The following ZNF37A variants were observed in gnomAD, a reference collection of about 807,000 sequenced individuals.
ZNF37A encodes the protein zinc finger protein 37A.
A neutral mutation model predicts 12.3 loss-of-function variants in ZNF37A; 10 were observed. That is an observed-to-expected ratio of 0.82 (90% CI 0.50 to 1.38). The LOEUF (loss-of-function observed/expected upper bound fraction) is 1.38. Among genes scored for constraint, ZNF37A ranks in the 40% most tolerant of loss-of-function variants. The pLI, the probability that ZNF37A is intolerant of heterozygous loss-of-function variation, is 0.00. For synonymous variants in ZNF37A, 207 were observed against 223.0 expected, an observed-to-expected ratio of 0.93 and a Z score of 0.64; for missense variants, 580 against 651.2, an observed-to-expected ratio of 0.89 and a Z score of 1.19.
chr10:38,096,533 A>G (rs2067166615), intron 4 of ZNF37A, 41 bp from the exon 5 acceptor site: 1 of 1,466,898 alleles, frequency 6.8e-7, no homozygotes, highest in Non-Finnish European at 9.4e-7. Flanking sequence ...TGGACCTTTT[A>G]AGGCAAGTGA....
chr10:38,125,496 G>T (rs1198275775), downstream of ZNF37A: 2 of 152,240 alleles, frequency 1.3e-5, no homozygotes, highest in South Asian at 2.1e-4. Flanking sequence ...TGCCCCTACT[G>T]CATGGAGGGA....
At chr10:38,096,745 G>C in intron 5 of ZNF37A, 113 bp downstream of exon 5, 5 of 1,022,566 alleles carry the variant, frequency 4.9e-6, no homozygotes, top group Non-Finnish European at 7.2e-6. Context: ...TAGAGGAGAG[G>C]TCACATTACA....
chr10:38,107,963 G>C (rs1435268281), intron 5 of ZNF37A, among the ~76,000 whole-genome samples: 4 of 127,744 alleles, frequency 3.1e-5, no homozygotes, highest in Non-Finnish European at 1.7e-5. Context: ...AAATTAACAA[G>C]GATATTCAGA....
At position 38,117,278 on chromosome 10, in the gene ZNF37A, TA is replaced by T. The variant is rs1178246338; in HGVS notation, c.239-111del. The T allele has an allele frequency of 4.8e-6, 7 of 1,472,702 alleles. No homozygotes were observed. In the Admixed American group the frequency reaches 1.9e-4, roughly 41 times the overall value. The allele number at this position is 1,472,702 out of a possible 1,614,324, so 91.2% of individuals were successfully genotyped here. ...TGGAAGTGTGCACATTGTCATAACA[TA>T]GGTATGAGGAGATAATGGCCTAAAC... On this transcript the variant is annotated intron_variant, in intron 7 of 7. Coordinates refer to ENST00000685332, the MANE Select transcript of ZNF37A (RefSeq NM_001324250.3).
At position 38,118,798 on chromosome 10, in the gene ZNF37A, C is replaced by T. The variant is rs1399082528; in HGVS notation, c.1647C>T (p.Asn549=). The stretch of plus-strand genomic sequence containing the variant: ...ATCAGAGAATACACTTGGGGAGAAA[C>T]CCTATAAATGTAGTAAACGAGGGAA... ...TVHQRIHLGR[N]PINVVNEGNY... Residue 549 remains asparagine, a synonymous_variant, in exon 8 of 8, where the codon AAC becomes AAT. Transcript: ENST00000685332. 1 of 1,599,394 alleles carries T rather than the reference C, an allele frequency of 6.3e-7. No individual in the cohort carries two copies. Among genetic ancestry groups the T allele is most frequent in the African/African-American group, 1.3e-5 (1 of 74,284 alleles).
chr10:38,126,737 G>T (rs557354541), downstream of ZNF37A, among the ~76,000 whole-genome samples: 8 of 152,308 alleles, frequency 5.3e-5, no homozygotes, highest in Admixed American at 3.9e-4. Flanking sequence ...ACATGCAGCA[G>T]CCCTATCATC....
Position 38,117,863 on chromosome 10 carries a change from T to A in ZNF37A, c.712T>A (p.Ser238Thr). ...TCTCACTCCAATTCAGAGAACCCACTCAATTAACAATATTATTGAATATAA... is the reference window on the plus strand; with the variant it reads ...TCTCACTCCAATTCAGAGAACCCACACAATTAACAATATTATTGAATATAA... ...LNLTPIQRTH[S>T]INNIIEYNEC... The change falls in exon 8 of 8, where the codon TCA becomes ACA. Residue 238 changes from serine to threonine, a missense_variant. Ser to Thr is a moderately conservative substitution (Grantham distance 58, BLOSUM62 1). Coordinates refer to ENST00000685332, the MANE Select transcript of ZNF37A (RefSeq NM_001324250.3). 1 of 1,613,978 alleles carries A rather than the reference T, an allele frequency of 6.2e-7. No individual in the cohort carries two copies. Among genetic ancestry groups the A allele is most frequent in the Non-Finnish European group, 8.5e-7 (1 of 1,179,984 alleles).
chr10:38,129,279 C>T (rs1156650444), downstream of ZNF37A, among the ~76,000 whole-genome samples: 5 of 98,080 alleles, frequency 5.1e-5, no homozygotes, highest in African/African-American at 8.6e-5. Context: ...GAACTCCAGC[C>T]TGGGTGACAG....
chr10:38,095,364 A>C lies in ZNF37A; in HGVS notation c.-198+140A>C, dbSNP rs1455943023. 3 of 152,442 alleles carry C rather than the reference A, an allele frequency of 2.0e-5. No individual in the cohort carries two copies. The East Asian group carries it at 5.8e-4, about 30-fold the overall frequency. 9.4% of individuals were successfully genotyped at this position (152,442 alleles called of 1,614,324 possible). A position where few individuals can be genotyped will look rare whatever the true frequency, so the allele number is the denominator to read the frequency against. On this transcript the variant is annotated intron_variant, in intron 2 of 7. Coordinates refer to ENST00000685332, the MANE Select transcript of ZNF37A (RefSeq NM_001324250.3). ...CGATTTGTGTCCTTTCCAGACCCCC[A>C]CAGGCTGGGAGCTTTGTGCCCATTC...
intron 5 of ZNF37A, among the ~76,000 whole-genome samples, chr10:38,108,271 A>C (rs2068309897): frequency 6.6e-6 from 1 of 152,222 alleles, no homozygotes; most frequent in Non-Finnish European, 1.5e-5. Flanking sequence ...AATGAAATTA[A>C]GGCAGAAATA....
chr10:38,112,783 T>TCGG (rs1564932429), intron 5 of ZNF37A, among the ~76,000 whole-genome samples: 2,990 of 57,786 alleles, frequency 0.052, 375 homozygotes, highest in Middle Eastern at 0.088. Context: ...TTCTTTTCTT[T>TCGG]TCTTTTCTTT....
intron 5 of ZNF37A, among the ~76,000 whole-genome samples, chr10:38,114,264 C>A (rs1462480396): frequency 6.6e-6 from 1 of 152,138 alleles, no homozygotes; most frequent in Non-Finnish European, 1.5e-5. Context: ...AGGTTTTTAA[C>A]CTTTTGTTAA....
At chr10:38,125,405 A>AT (rs1252558475), downstream of ZNF37A, 1 of 152,164 alleles carries the variant, frequency 6.6e-6, no homozygotes, top group Non-Finnish European at 1.5e-5. Context: ...AATAATCCTG[A>AT]TTTGGGGGAG....
intron 5 of ZNF37A, among the ~76,000 whole-genome samples, chr10:38,109,692 C>A (rs12253640): frequency 2.0e-5 from 3 of 152,120 alleles, no homozygotes; most frequent in Non-Finnish European, 2.9e-5. Flanking sequence ...GTCCTATACA[C>A]CAATAATAGA....
chr10:38,138,309 C>G (rs1347495153), intron 7 of ZNF37A: 1 of 152,144 alleles, frequency 6.6e-6, no homozygotes, highest in East Asian at 1.9e-4. Context: ...CAAATTTTTG[C>G]AGAGTGTCAT....
rs943974338 is a variant in ZNF37A at position 38,121,361 on chromosome 10, T to TA, written c.*2531dup. 6 of 152,180 alleles carry TA rather than the reference T, an allele frequency of 3.9e-5. No individual in the cohort carries two copies. The highest frequency in any genetic ancestry group is 7.4e-5 in the Non-Finnish European group (5 of 68,026). The allele number at this position is 152,180 out of a possible 1,614,324, so 9.4% of individuals were successfully genotyped here. On this transcript the variant is annotated 3_prime_UTR_variant, in exon 8 of 8. Coordinates refer to ENST00000685332, the MANE Select transcript of ZNF37A (RefSeq NM_001324250.3). ...AGGGCAATCAAAAGATTTATTATTTTAAAAAAATCAGTGTGGACTTCCATT... is the reference window on the plus strand; with the variant it reads ...AGGGCAATCAAAAGATTTATTATTTTAAAAAAAATCAGTGTGGACTTCCATT...
chr10:38,127,895 A>T (rs931523309), downstream of ZNF37A, among the ~76,000 whole-genome samples: 1 of 152,236 alleles, frequency 6.6e-6, no homozygotes, highest in South Asian at 2.1e-4. Context: ...GAACAAGAAT[A>T]AGAAAGTTAC....
At chr10:38,101,396 T>A (rs916138931) in intron 5 of ZNF37A, among the ~76,000 whole-genome samples, 3 of 152,030 alleles carry the variant, frequency 2.0e-5, no homozygotes, top group African/African-American at 7.2e-5. Context: ...ATCCAGTTTT[T>A]CCAACACTAT....
chr10:38,113,031 C>T (rs1000889491), intron 5 of ZNF37A, among the ~76,000 whole-genome samples: 2 of 152,012 alleles, frequency 1.3e-5, no homozygotes, highest in African/African-American at 4.8e-5. Context: ...TGGTCTTGAA[C>T]TCCTGACCTT....
Sources: allele counts gnomAD v4.1 joint callset (sites outside exome capture counted in the v4.1 genomes callset), GRCh38; gene constraint gnomAD v4.1.1; transcripts MANE v1.5; gene names NCBI Gene and HGNC (gene_info 2026-07-23, HGNC 2026-07-21).